PRLR: variants seen among roughly 807,000 people sequenced by gnomAD.
PRLR encodes the protein hPRL receptor.
PRLR carries 13 observed loss-of-function variants against 40.2 expected under a neutral mutation model. The ratio of observed to expected loss-of-function variants is 0.32; its 90% CI spans 0.21 to 0.51. The LOEUF is 0.51. PRLR is among the 20% of genes least tolerant of loss of function. The pLI, the probability that PRLR is intolerant of heterozygous loss-of-function variation, is 0.97. For synonymous variants in PRLR, 269 were observed against 278.7 expected (o/e 0.97, Z 0.35); for missense variants, 656 against 747.3 (o/e 0.88, Z 1.42).
At chr5:35,197,308 T>C (rs1189470318) in intron 1 of PRLR, among the ~76,000 whole-genome samples, 10 of 152,168 alleles carry the variant, frequency 6.6e-5, no homozygotes. Context: ...ATTGGGAGTG[T>C]CTGAAACTAT....
intron 8 of PRLR, 108 bp downstream of exon 8, chr5:35,068,671 G>T: frequency 1.1e-6 from 1 of 887,572 alleles, no homozygotes; most frequent in Non-Finnish European, 1.8e-6. Context: ...TACATCTAAT[G>T]GCTAAAATGA....
At chr5:35,208,173 G>A (rs993542245) in intron 1 of PRLR, among the ~76,000 whole-genome samples, 18 of 127,102 alleles carry the variant, frequency 1.4e-4, no homozygotes, top group Non-Finnish European at 3.0e-4. Flanking sequence ...ACACCCACGC[G>A]CGCGCACACA....
At chr5:35,187,572 C>T (rs181138732) in intron 1 of PRLR, among the ~76,000 whole-genome samples, 1 of 152,182 alleles carries the variant, frequency 6.6e-6, no homozygotes, top group African/African-American at 2.4e-5. Flanking sequence ...GGTGCAAGCC[C>T]CTGACCTCTT....
chr5:35,191,748 T>A (rs1443589450), intron 1 of PRLR, among the ~76,000 whole-genome samples: 4 of 152,202 alleles, frequency 2.6e-5, no homozygotes, highest in Non-Finnish European at 5.9e-5. Flanking sequence ...ACACAGACAC[T>A]GTATCTTTCA....
At chr5:35,191,048 CT>C (rs869174221) in intron 1 of PRLR, among the ~76,000 whole-genome samples, 1 of 68,114 alleles carries the variant, frequency 1.5e-5, no homozygotes, top group African/African-American at 5.8e-5. Context: ...GTGTTATTTT[CT>C]TTTTTTTTTT....
At chr5:35,098,967 A>G (rs1771697227) in intron 2 of PRLR, among the ~76,000 whole-genome samples, 1 of 152,222 alleles carries the variant, frequency 6.6e-6, no homozygotes, top group Non-Finnish European at 1.5e-5. Flanking sequence ...GATGGGCACA[A>G]CTGAGAACAC....
Position 35,063,780 on chromosome 5 carries a change from A to G in PRLR, c.*1309T>C, listed in dbSNP as rs1003514814. 2 of 152,090 alleles carry G rather than the reference A, an allele frequency of 1.3e-5. No individual in the cohort carries two copies. The highest frequency in any genetic ancestry group is 2.1e-4 in the South Asian group (1 of 4,822). 9.4% of individuals were successfully genotyped at this position (152,090 alleles called of 1,614,324 possible). On this transcript the variant is annotated 3_prime_UTR_variant, in exon 10 of 10. Transcript: ENST00000618457. ...TTAGAAATCGTCGCCCTCCCTTTTT[A>G]TGGTAGCTTTAGGAAGATTCACCCA... is the stretch of plus-strand genomic sequence containing the variant.
At chr5:35,155,482 A>G (rs1328856595) in intron 1 of PRLR, among the ~76,000 whole-genome samples, 1 of 152,178 alleles carries the variant, frequency 6.6e-6, no homozygotes, top group Non-Finnish European at 1.5e-5. Context: ...CCCATCGACT[A>G]TTGGGAGCAA....
At chr5:35,145,428 C>A (rs1379039090) in intron 1 of PRLR, among the ~76,000 whole-genome samples, 1 of 152,106 alleles carries the variant, frequency 6.6e-6, no homozygotes, top group Non-Finnish European at 1.5e-5. Flanking sequence ...GGGAAGAAGT[C>A]CCTACTCTAT....
intron 1 of PRLR, among the ~76,000 whole-genome samples, chr5:35,172,904 A>T (rs1175631476): frequency 6.6e-6 from 1 of 152,232 alleles, no homozygotes; most frequent in Admixed American, 6.5e-5. Context: ...GTTCTGTGAA[A>T]ATGTAATAAA....
At chr5:35,066,856 C>T (rs1362751736) in intron 9 of PRLR, among the ~76,000 whole-genome samples, 7 of 151,452 alleles carry the variant, frequency 4.6e-5, no homozygotes, top group South Asian at 2.1e-4. Context: ...CTCCGCCTCC[C>T]GGGTTCACGC....
intron 5 of PRLR, among the ~76,000 whole-genome samples, chr5:35,078,627 G>A (rs953215187): frequency 7.3e-5 from 11 of 150,960 alleles, no homozygotes; most frequent in East Asian, 3.9e-4. Context: ...TCTACCAGAC[G>A]TACAAAGAGG....
At chr5:35,203,017 T>C (rs1021271217) in intron 1 of PRLR, among the ~76,000 whole-genome samples, 1 of 152,092 alleles carries the variant, frequency 6.6e-6, no homozygotes, top group Non-Finnish European at 1.5e-5. Context: ...CTTAGACAGG[T>C]TGTAAATCCC....
intron 1 of PRLR, among the ~76,000 whole-genome samples, chr5:35,223,278 T>A (rs1776468598): frequency 6.6e-6 from 1 of 152,254 alleles, no homozygotes; most frequent in Non-Finnish European, 1.5e-5. Flanking sequence ...TCAGTGATTC[T>A]CAACTCTGAC....
At chr5:35,138,486 G>A (rs1031412796) in intron 1 of PRLR, among the ~76,000 whole-genome samples, 5 of 152,172 alleles carry the variant, frequency 3.3e-5, no homozygotes, top group Non-Finnish European at 7.3e-5. Flanking sequence ...GCTGTGGAGA[G>A]ATTGGAATTT....
intron 1 of PRLR, among the ~76,000 whole-genome samples, chr5:35,139,749 T>C (rs1446053002): frequency 6.6e-6 from 1 of 152,220 alleles, no homozygotes; most frequent in Non-Finnish European, 1.5e-5. Context: ...CAAAAAGATA[T>C]GTCTTACCAA....
In PRLR at chr5:35,057,929, TATC is replaced by T. The variant is rs1768811447; in HGVS notation, c.*7157_*7159del. 1 of 152,164 alleles carries T rather than the reference TATC, an allele frequency of 6.6e-6. No individual in the cohort carries two copies. Among genetic ancestry groups the T allele is most frequent in the African/African-American group, 2.4e-5 (1 of 41,446 alleles). The allele number at this position is 152,164 out of a possible 1,614,324, so 9.4% of individuals were successfully genotyped here. A position where few individuals can be genotyped will look rare whatever the true frequency, so the allele number is the denominator to read the frequency against. ...GTTACAGAAGTCAATTTGTAAGAGATATCATTATCATGGCTTTGGACAACTATG... is the reference window on the plus strand; with the variant it reads ...GTTACAGAAGTCAATTTGTAAGAGATATTATCATGGCTTTGGACAACTATG... On this transcript the variant is annotated 3_prime_UTR_variant, in exon 10 of 10. Transcript: ENST00000618457.
intron 1 of PRLR, among the ~76,000 whole-genome samples, chr5:35,179,533 C>A (rs1473896008): frequency 2.0e-5 from 3 of 152,228 alleles, no homozygotes; most frequent in Non-Finnish European, 2.9e-5. Flanking sequence ...ACATTACTAC[C>A]TGTGCCTCAT....
At chr5:35,141,979 T>C (rs1774039252) in intron 1 of PRLR, among the ~76,000 whole-genome samples, 2 of 152,234 alleles carry the variant, frequency 1.3e-5, no homozygotes, top group Admixed American at 1.3e-4. Context: ...CTCAGCACCA[T>C]GTCATAACTC....
Sources: allele counts gnomAD v4.1 joint callset (sites outside exome capture counted in the v4.1 genomes callset), GRCh38; gene constraint gnomAD v4.1.1; transcripts MANE v1.5; gene names NCBI Gene and HGNC (gene_info 2026-07-23, HGNC 2026-07-21).